DNAAF9: variants seen among roughly 807,000 people sequenced by gnomAD.
The protein encoded by DNAAF9 is dynein axonemal assembly factor 9.
A neutral mutation model predicts 167.0 loss-of-function variants in DNAAF9; 90 were observed. The ratio of observed to expected loss-of-function variants is 0.54; its 90% CI spans 0.45 to 0.64. DNAAF9 has a LOEUF of 0.64. Ranked by LOEUF, DNAAF9 falls within the 30% of genes least tolerant of loss-of-function variation. DNAAF9 has a pLI of 0.00. For missense variants in DNAAF9, 1,315 were observed against 1,442.2 expected, an observed-to-expected ratio of 0.91 and a Z score of 1.43; for synonymous variants, 491 against 508.8, an observed-to-expected ratio of 0.96 and a Z score of 0.47.
Position 3,337,440 on chromosome 20 carries a change from G to GTT in DNAAF9, c.981+3062_981+3063dup, listed in dbSNP as rs55881467. Among the ~76,000 whole-genome samples the GTT allele has an allele frequency of 7.2e-3, 968 of 134,368 alleles. 15 individuals carry two copies. Among genetic ancestry groups the GTT allele is most frequent in the African/African-American group, 0.023 (842 of 36,542 alleles). 88.2% of individuals were successfully genotyped at this position (134,368 alleles called of 152,430 possible). On this transcript the variant is annotated intron_variant, in intron 10 of 36. Transcript: ENST00000252032. ...CACCACGCCCAGGTTCTTTTTTTTT[G>GTT]TTTTTTTTTTTTTTGGTATTTTTAG...
intron 6 of DNAAF9, chr20:3,361,933 T>C: frequency 6.6e-7 from 1 of 1,520,014 alleles, no homozygotes. Context: ...ATATTTTCTT[T>C]AGACATCATT....
Position 3,250,859 on chromosome 20 carries a change from A to T in DNAAF9, c.*1713T>A, listed in dbSNP as rs2068184311. 1 of 152,226 alleles carries T rather than the reference A, an allele frequency of 6.6e-6. No homozygotes were observed. Among genetic ancestry groups the T allele is most frequent in the Non-Finnish European group, 1.5e-5 (1 of 68,042 alleles). 9.4% of individuals were successfully genotyped at this position (152,226 alleles called of 1,614,324 possible). ...TGCTCAAGTTTGAGTTTTTAAAAAGAGTTCGGTAGAGCTAAAGGAAGCTAC... is the reference window on the plus strand; with the variant it reads ...TGCTCAAGTTTGAGTTTTTAAAAAGTGTTCGGTAGAGCTAAAGGAAGCTAC... On this transcript the variant is annotated 3_prime_UTR_variant, in exon 37 of 37. Transcript: ENST00000252032.
intron 27 of DNAAF9, among the ~76,000 whole-genome samples, chr20:3,285,574 G>A (rs926696782): frequency 2.0e-5 from 3 of 152,084 alleles, no homozygotes; most frequent in African/African-American, 7.2e-5. Context: ...AGCTACTTGG[G>A]AGGCTGAGGC....
At chr20:3,365,327 C>T (rs930122493) in intron 6 of DNAAF9, among the ~76,000 whole-genome samples, 1 of 152,038 alleles carries the variant, frequency 6.6e-6, no homozygotes, top group African/African-American at 2.4e-5. Flanking sequence ...CTGACTCTTC[C>T]TTTCACAAAA....
intron 20 of DNAAF9, among the ~76,000 whole-genome samples, chr20:3,312,029 C>T (rs1470143660): frequency 1.4e-5 from 2 of 147,726 alleles, no homozygotes; most frequent in Non-Finnish European, 3.0e-5. Context: ...ATTCTTGTTG[C>T]CCAGGCTGGA....
At chr20:3,332,441 C>A in intron 10 of DNAAF9, 80 bp from the exon 11 acceptor site, 2 of 695,598 alleles carry the variant, frequency 2.9e-6, no homozygotes, top group South Asian at 1.7e-5. Flanking sequence ...AGTATAGAGT[C>A]AATGGAAATA....
At chr20:3,288,177 T>C (rs2068884347) in intron 26 of DNAAF9, among the ~76,000 whole-genome samples, 1 of 152,148 alleles carries the variant, frequency 6.6e-6, no homozygotes, top group African/African-American at 2.4e-5. Context: ...TGGCTGGGCA[T>C]TGTGGCTCAC....
intron 20 of DNAAF9, among the ~76,000 whole-genome samples, chr20:3,310,422 C>A (rs948225739): frequency 6.6e-6 from 1 of 150,724 alleles, no homozygotes; most frequent in Non-Finnish European, 1.5e-5. Context: ...CAGTGGGTCA[C>A]GCCTGTAATC....
intron 8 of DNAAF9, among the ~76,000 whole-genome samples, chr20:3,346,340 T>C (rs1436447578): frequency 6.6e-6 from 1 of 152,168 alleles, no homozygotes; most frequent in Non-Finnish European, 1.5e-5. Context: ...AATAGGAACA[T>C]ACATAAGCGC....
At chr20:3,346,026 T>C (rs563915936) in intron 8 of DNAAF9, among the ~76,000 whole-genome samples, 1 of 152,250 alleles carries the variant, frequency 6.6e-6, no homozygotes, top group South Asian at 2.1e-4. Context: ...AAAAACAATA[T>C]GTAAACAAAA....
chr20:3,334,036 G>C (rs142642821), intron 10 of DNAAF9, among the ~76,000 whole-genome samples: 1 of 152,212 alleles, frequency 6.6e-6, no homozygotes, highest in East Asian at 1.9e-4. Context: ...AAAACAAGAA[G>C]AACCTCAAGA....
intron 27 of DNAAF9, among the ~76,000 whole-genome samples, chr20:3,283,184 T>C (rs1458254590): frequency 1.3e-5 from 2 of 152,182 alleles, no homozygotes; most frequent in African/African-American, 2.4e-5. Flanking sequence ...TTTGTTCCTA[T>C]GGAAATAAGT....
chr20:3,303,612 G>C (rs1472059366), intron 21 of DNAAF9, among the ~76,000 whole-genome samples: 1 of 152,156 alleles, frequency 6.6e-6, no homozygotes, highest in Non-Finnish European at 1.5e-5. Context: ...AGCCTTTAAG[G>C]CTGCAGGCTC....
Position 3,326,288 on chromosome 20 carries a change from TAAAAACA to T in DNAAF9, c.1101-11_1101-5del. 1.2e-6 allele frequency: 2 copies of T among 1,601,620 alleles called. No individual in the cohort carries two copies. Among genetic ancestry groups the T allele is most frequent in the Non-Finnish European group, 1.7e-6 (2 of 1,170,348 alleles). On this transcript the variant is annotated splice_region_variant and splice_polypyrimidine_tract_variant and intron_variant, in intron 12 of 36. Coordinates refer to ENST00000252032, the MANE Select transcript of DNAAF9 (RefSeq NM_001009984.3). ...ATATATCTGGGACAATAGCCTACTT[TAAAAACA>T]AAAAATAATGGTTAACATTACAGCA... is the stretch of plus-strand genomic sequence containing the variant.
intron 18 of DNAAF9, chr20:3,316,065 C>A: frequency 2.1e-6 from 1 of 474,208 alleles, no homozygotes; most frequent in Non-Finnish European, 3.7e-6. Context: ...TATTTCACTT[C>A]AGAAAAAAAC....
chr20:3,376,756 T>A (rs2123229861), intron 3 of DNAAF9, among the ~76,000 whole-genome samples: 1 of 152,274 alleles, frequency 6.6e-6, no homozygotes, highest in African/African-American at 2.4e-5. Context: ...AAGAGTTAAG[T>A]TTTATTACCT....
intron 21 of DNAAF9, among the ~76,000 whole-genome samples, chr20:3,300,922 T>G (rs1336023144): frequency 6.6e-6 from 1 of 151,424 alleles, no homozygotes; most frequent in Non-Finnish European, 1.5e-5. Flanking sequence ...GAAAAAAAAT[T>G]ATAAAAATAC....
intron 25 of DNAAF9, among the ~76,000 whole-genome samples, chr20:3,291,804 T>C (rs1185391308): frequency 6.6e-6 from 1 of 151,534 alleles, no homozygotes; most frequent in Admixed American, 6.6e-5. Flanking sequence ...CCAGAAGCTG[T>C]CTCTTGTTCC....
At chr20:3,340,701 T>G (rs1162329383) in intron 9 of DNAAF9, 62 bp from the exon 10 acceptor site, 1 of 1,533,076 alleles carries the variant, frequency 6.5e-7, no homozygotes, top group Admixed American at 1.7e-5. Context: ...CAACCTTCCA[T>G]GACCTTAATA....
Sources: gnomAD v4.1 joint callset for allele counts (sites outside exome capture counted in the v4.1 genomes callset) on GRCh38, gnomAD v4.1.1 for gene constraint, MANE v1.5 for transcripts, NCBI Gene and HGNC (gene_info 2026-07-23, HGNC 2026-07-21) for gene names.